The following TMEM217 variants were observed in gnomAD, a reference collection of about 807,000 sequenced individuals.
The protein encoded by TMEM217 is chromosome 6 open reading frame 128.
For missense variants in TMEM217, 204 were observed against 248.8 expected (o/e 0.82, Z 1.21); for synonymous variants, 76 against 88.3 (o/e 0.86, Z 0.78).
chr6:37,232,987 T>C (rs758016554), intron 1 of TMEM217, among the ~76,000 whole-genome samples: 24 of 151,814 alleles, frequency 1.6e-4, no homozygotes, highest in Non-Finnish European at 2.9e-4. Context: ...CTCACTGTGG[T>C]TCTGCTGCCA....
chr6:37,233,669 C>T lies in TMEM217; in HGVS notation c.-11-14628G>A, dbSNP rs562801970. Among the ~76,000 whole-genome samples, 5 of 152,162 alleles carry T rather than the reference C, an allele frequency of 3.3e-5. No individual in the cohort carries two copies. The South Asian group carries it at 6.2e-4, about 19-fold the overall frequency. On this transcript the variant is annotated intron_variant, in intron 1 of 1. Coordinates refer to ENST00000357219, the Ensembl canonical transcript of TMEM217. Reference sequence around the variant, plus strand: ...TTTGGAGGGACATATACATTCTAACCGTAGTACCATCTCCACTGCTATCAT... The same window carrying T: ...TTTGGAGGGACATATACATTCTAACTGTAGTACCATCTCCACTGCTATCAT...
chr6:37,242,871 G>A (rs1322751009), intron 1 of TMEM217, among the ~76,000 whole-genome samples: 1 of 152,174 alleles, frequency 6.6e-6, no homozygotes, highest in African/African-American at 2.4e-5. Context: ...GCAGGAGTGT[G>A]CCAGTAAGCT....
chr6:37,233,738 A>G (rs1764334728), intron 1 of TMEM217, among the ~76,000 whole-genome samples: 1 of 152,174 alleles, frequency 6.6e-6, no homozygotes, highest in South Asian at 2.1e-4. Flanking sequence ...AATTAACCAT[A>G]CAGATGGTCC....
At chr6:37,231,625 T>C (rs1307401414) in intron 1 of TMEM217, among the ~76,000 whole-genome samples, 1 of 147,392 alleles carries the variant, frequency 6.8e-6, no homozygotes, top group Non-Finnish European at 1.5e-5. Flanking sequence ...TGAGCCGAGA[T>C]TGCACCATTG....
exon 2 of TMEM217, chr6:37,218,994 T>A (rs1763377482): frequency 6.2e-7 from 1 of 1,614,022 alleles, no homozygotes; most frequent in Non-Finnish European, 8.5e-7. Context: ...ACGGTGCCCA[T>A]TTTGGCAGTC....
chr6:37,231,162 C>T (rs563720632), intron 1 of TMEM217, among the ~76,000 whole-genome samples: 4 of 151,284 alleles, frequency 2.6e-5, no homozygotes, highest in Admixed American at 6.6e-5. Flanking sequence ...CGGGTTCAAG[C>T]GATTCTCCTG....
chr6:37,212,999 G>T, downstream of TMEM217: 1 of 1,531,784 alleles, frequency 6.5e-7, no homozygotes, highest in Non-Finnish European at 8.8e-7. Context: ...AGCACCTCCT[G>T]CAGGAAGAAA....
intron 1 of TMEM217, among the ~76,000 whole-genome samples, chr6:37,252,510 GCA>G (rs975059110): frequency 4.7e-5 from 7 of 150,122 alleles, no homozygotes; most frequent in Middle Eastern, 3.2e-3. Context: ...ATATATATAT[GCA>G]CACACACATG....
At chr6:37,253,821 T>G (rs1765579850) in intron 1 of TMEM217, among the ~76,000 whole-genome samples, 1 of 152,236 alleles carries the variant, frequency 6.6e-6, no homozygotes, top group South Asian at 2.1e-4. Context: ...CTTCAGGCCT[T>G]TCTCTTTCCT....
At chr6:37,255,208 C>T (rs1765651013) in intron 1 of TMEM217, among the ~76,000 whole-genome samples, 1 of 152,014 alleles carries the variant, frequency 6.6e-6, no homozygotes, top group Non-Finnish European at 1.5e-5. Flanking sequence ...GGCAATAAGA[C>T]CAATGGGCAT....
downstream of TMEM217, chr6:37,217,594 T>G (rs1763281976): frequency 1.0e-6 from 1 of 980,592 alleles, no homozygotes; most frequent in Non-Finnish European, 1.2e-6. Context: ...TTCACACTCC[T>G]TGACAAATTT....
downstream of TMEM217, among the ~76,000 whole-genome samples, chr6:37,216,549 G>A (rs1416254165): frequency 1.3e-5 from 2 of 152,130 alleles, no homozygotes; most frequent in Non-Finnish European, 2.9e-5. Flanking sequence ...TGTGGAAGAA[G>A]GAGTCTGGGA....
At chr6:37,245,257 G>C (rs1296264032) in intron 1 of TMEM217, among the ~76,000 whole-genome samples, 1 of 152,158 alleles carries the variant, frequency 6.6e-6, no homozygotes, top group Non-Finnish European at 1.5e-5. Context: ...CACAGAGCTG[G>C]GTCACTGAAG....
chr6:37,244,788 G>A (rs1443164526), intron 1 of TMEM217, among the ~76,000 whole-genome samples: 1 of 152,230 alleles, frequency 6.6e-6, no homozygotes, highest in Non-Finnish European at 1.5e-5. Flanking sequence ...GGGCTGAGCT[G>A]AGCTGATCTC....
chr6:37,233,564 G>A (rs536967577), intron 1 of TMEM217, among the ~76,000 whole-genome samples: 1 of 152,230 alleles, frequency 6.6e-6, no homozygotes, highest in South Asian at 2.1e-4. Context: ...CAAAGTTGGC[G>A]CCCTCATGAC....
downstream of TMEM217, among the ~76,000 whole-genome samples, chr6:37,215,570 C>CAAAAAAAA (rs34808595): frequency 3.9e-3 from 284 of 72,372 alleles, 12 homozygotes; most frequent in African/African-American, 0.01. Flanking sequence ...GACTCTGTCT[C>CAAAAAAAA]AAAAAAAAAA....
chr6:37,254,127 G>A lies in TMEM217; in HGVS notation c.-12+3441C>T, dbSNP rs1384966174. On this transcript the variant is annotated intron_variant, in intron 1 of 1. Transcript: ENST00000357219. ...TCTATAAAGTGAGGTCCATGGATCA[G>A]CAGCATCAGTGTCACCTGGGAGCTT... is the stretch of plus-strand genomic sequence containing the variant. Among the ~76,000 whole-genome samples, 17 of 152,340 alleles carry A rather than the reference G, an allele frequency of 1.1e-4. No homozygotes were observed. In the East Asian group the frequency reaches 3.1e-3, roughly 28 times the overall value.
At chr6:37,244,441 T>C (rs1051068203) in intron 1 of TMEM217, among the ~76,000 whole-genome samples, 1 of 152,244 alleles carries the variant, frequency 6.6e-6, no homozygotes, top group African/African-American at 2.4e-5. Flanking sequence ...GCTACACTTA[T>C]AGCCTAACAA....
intron 1 of TMEM217, among the ~76,000 whole-genome samples, chr6:37,243,250 C>T (rs1334422403): frequency 6.6e-6 from 1 of 152,216 alleles, no homozygotes; most frequent in African/African-American, 2.4e-5. Context: ...CACTCTGAAA[C>T]AGGGCGTTTA....
Sources: gnomAD v4.1 joint callset for allele counts (sites outside exome capture counted in the v4.1 genomes callset) on GRCh38, gnomAD v4.1.1 for gene constraint, MANE v1.5 for transcripts, NCBI Gene and HGNC (gene_info 2026-07-23, HGNC 2026-07-21) for gene names.